Variants in DACH2 observed in about 807,000 individuals in gnomAD.
DACH2 encodes the protein dachshund family transcription factor 2, also known as dachshund homolog 2.
A neutral mutation model predicts 35.8 loss-of-function variants in DACH2; 17 were observed. The observed-to-expected ratio is 0.48, with a 90% CI of 0.33 to 0.71. The LOEUF (loss-of-function observed/expected upper bound fraction) is 0.71. DACH2 is among the 30% of genes least tolerant of loss of function. The probability of loss-of-function intolerance (pLI) is 0.02; values close to 1 mark genes in which losing one functional copy is unlikely to be tolerated. For synonymous variants in DACH2, 195 were observed against 177.3 expected (o/e 1.10, Z -0.79); for missense variants, 469 against 472.7 (o/e 0.99, Z 0.07).
At chrX:86,507,558 GA>G (rs1332032950) in intron 2 of DACH2, among the ~76,000 whole-genome samples, 2 of 109,788 alleles carry the variant, frequency 1.8e-5, no homozygotes, top group African/African-American at 3.3e-5. Context: ...ATGGCCCCAG[GA>G]AACCTGATAC....
chrX:86,444,473 T>C (rs775985613), intron 2 of DACH2, among the ~76,000 whole-genome samples: 2 of 112,029 alleles, frequency 1.8e-5, no homozygotes, highest in South Asian at 7.3e-4. Flanking sequence ...CTTTTATTAC[T>C]GATTCAGTCT....
At chrX:86,184,851 C>A (rs1337163940) in intron 1 of DACH2, among the ~76,000 whole-genome samples, 1 of 110,876 alleles carries the variant, frequency 9.0e-6, no homozygotes, top group Non-Finnish European at 1.9e-5. Flanking sequence ...CAATTAAGTG[C>A]TTTATAAGTA....
At chrX:86,731,586 T>C (rs1234776407) in intron 6 of DACH2, among the ~76,000 whole-genome samples, 1 of 112,443 alleles carries the variant, frequency 8.9e-6, no homozygotes, top group Non-Finnish European at 1.9e-5. Flanking sequence ...ACCAGTTTAA[T>C]TTATACCACT....
Position 86,347,210 on chromosome X carries a change from C to T in DACH2, c.489-29614C>T, listed in dbSNP as rs771643659. On this transcript the variant is annotated intron_variant, in intron 1 of 11. Coordinates refer to ENST00000373125, the MANE Select transcript of DACH2 (RefSeq NM_053281.3). ...CAAGCGAGGAAAAACCATCAATATT[C>T]AAATCATCATTATTTCATTAGCTTC... 2.4e-3 allele frequency among the ~76,000 whole-genome samples: 264 copies of T among 112,139 alleles called. 1 individual carries two copies. Among genetic ancestry groups the T allele is most frequent in the Middle Eastern group, 0.018 (4 of 218 alleles).
chrX:86,166,219 T>A (rs902317091), intron 1 of DACH2, among the ~76,000 whole-genome samples: 3 of 111,529 alleles, frequency 2.7e-5, no homozygotes, highest in Admixed American at 9.5e-5. Context: ...AGTAACATGC[T>A]GTTTTGGTTC....
At chrX:86,394,537 A>G (rs2036252034) in intron 2 of DACH2, among the ~76,000 whole-genome samples, 1 of 111,684 alleles carries the variant, frequency 9.0e-6, no homozygotes. Context: ...ATAAAAGAGT[A>G]TTTCTTTTGA....
rs180875903 is a variant in DACH2 at position 86,491,905 on chromosome X, T to G, written c.528-22374T>G. On this transcript the variant is annotated intron_variant, in intron 2 of 11. Coordinates refer to ENST00000373125, the MANE Select transcript of DACH2 (RefSeq NM_053281.3). Reference sequence around the variant, plus strand: ...AATGTTACCCAATCTATATTTTGCATTTTCTTTTCATAAAAATGATAGTCA... The same window carrying G: ...AATGTTACCCAATCTATATTTTGCAGTTTCTTTTCATAAAAATGATAGTCA... Among the ~76,000 whole-genome samples the G allele has an allele frequency of 3.6e-5, 4 of 111,818 alleles. No homozygotes were observed. In the Admixed American group the frequency reaches 3.8e-4, roughly 11 times the overall value.
chrX:86,555,931 T>C (rs1278153558), intron 3 of DACH2, among the ~76,000 whole-genome samples: 1 of 111,502 alleles, frequency 9.0e-6, no homozygotes, highest in Non-Finnish European at 1.9e-5. Flanking sequence ...TAATATATAC[T>C]TTAATGCCGG....
chrX:86,822,837 A>G (rs1304795971), intron 11 of DACH2, among the ~76,000 whole-genome samples: 2 of 112,221 alleles, frequency 1.8e-5, no homozygotes, highest in Non-Finnish European at 3.8e-5. Flanking sequence ...TCTATTTAAA[A>G]CTGTGTGGAG....
intron 1 of DACH2, among the ~76,000 whole-genome samples, chrX:86,314,304 C>T (rs749988538): frequency 8.1e-5 from 9 of 110,905 alleles, no homozygotes; most frequent in Non-Finnish European, 1.7e-4. Context: ...ATCATTTGAG[C>T]CTAGGAGTTT....
chrX:86,330,582 AAAT>A (rs1030861781), intron 1 of DACH2, among the ~76,000 whole-genome samples: 2 of 111,628 alleles, frequency 1.8e-5, no homozygotes, highest in African/African-American at 6.5e-5. Flanking sequence ...ATGTGTTATG[AAAT>A]AATAATAATT....
intron 2 of DACH2, among the ~76,000 whole-genome samples, chrX:86,476,306 C>A (rs907525975): frequency 4.5e-5 from 5 of 111,638 alleles, no homozygotes; most frequent in African/African-American, 1.3e-4. Flanking sequence ...AGGTCCCTGG[C>A]TTTTTCTTCA....
chrX:86,233,919 G>A (rs2033002624), intron 1 of DACH2, among the ~76,000 whole-genome samples: 1 of 111,815 alleles, frequency 8.9e-6, no homozygotes, highest in African/African-American at 3.3e-5. Flanking sequence ...CTCCTACCGT[G>A]TCCCTCCCAC....
intron 2 of DACH2, among the ~76,000 whole-genome samples, chrX:86,471,901 G>A (rs2037766336): frequency 9.0e-6 from 1 of 111,327 alleles, no homozygotes; most frequent in South Asian, 3.7e-4. Flanking sequence ...TCCAAAAGAT[G>A]ATATAAACAT....
At chrX:86,561,919 A>AAG (rs1569440874) in intron 3 of DACH2, among the ~76,000 whole-genome samples, 1 of 95,904 alleles carries the variant, frequency 1.0e-5, no homozygotes, top group Non-Finnish European at 2.0e-5. Flanking sequence ...AAAAAAAAAA[A>AAG]AGAGAATTCA....
At chrX:86,209,202 G>T (rs755010106) in intron 1 of DACH2, among the ~76,000 whole-genome samples, 1 of 111,581 alleles carries the variant, frequency 9.0e-6, no homozygotes, top group South Asian at 3.8e-4. Context: ...AGGCAAAGAA[G>T]TTTGTTTCTT....
At chrX:86,815,640 A>T (rs1388035770) in intron 10 of DACH2, among the ~76,000 whole-genome samples, 1 of 105,369 alleles carries the variant, frequency 9.5e-6, no homozygotes, top group Admixed American at 1.1e-4. Flanking sequence ...CATATATATA[A>T]ATATGTGTAT....
At position 86,514,259 on chromosome X, in the gene DACH2, A is replaced by G. The variant is rs1333993103; in HGVS notation, c.528-20A>G. The stretch of plus-strand genomic sequence containing the variant: ...GAGTACATTTTTAACCTTTATCTAT[A>G]TTTGTCTGTTTTTCAACAGTTCAAG... On this transcript the variant is annotated intron_variant, in intron 2 of 11. Coordinates refer to ENST00000373125, the MANE Select transcript of DACH2 (RefSeq NM_053281.3). The G allele has an allele frequency of 1.7e-6, 2 of 1,180,893 alleles. No homozygotes were observed. Among genetic ancestry groups the G allele is most frequent in the South Asian group, 1.8e-5 (1 of 54,847 alleles).
At chrX:86,218,251 G>A (rs5968830) in intron 1 of DACH2, among the ~76,000 whole-genome samples, 20,141 of 111,020 alleles carry the variant, frequency 0.18, 4,376 homozygotes, top group African/African-American at 0.62. Context: ...TTTAAATTTG[G>A]AAAGTTACTT....
Sources: allele counts gnomAD v4.1 joint callset (sites outside exome capture counted in the v4.1 genomes callset), GRCh38; gene constraint gnomAD v4.1.1; transcripts MANE v1.5; gene names NCBI Gene and HGNC (gene_info 2026-07-23, HGNC 2026-07-21).